The following CNTN4 variants were observed in gnomAD, a reference collection of about 807,000 sequenced individuals.
The protein encoded by CNTN4 is contactin-4.
A neutral mutation model predicts 122.5 loss-of-function variants in CNTN4; 77 were observed. The observed-to-expected ratio is 0.63, with a 90% CI of 0.52 to 0.76. The LOEUF (loss-of-function observed/expected upper bound fraction) is 0.76, where lower values mean the gene tolerates loss of function less well. Ranked by LOEUF, CNTN4 falls within the 30% of genes least tolerant of loss-of-function variation. The pLI, the probability that CNTN4 is intolerant of heterozygous loss-of-function variation, is 0.00. For synonymous variants in CNTN4, 512 were observed against 447.0 expected (o/e 1.15, Z -1.83); for missense variants, 1,256 against 1,259.1 (o/e 1.00, Z 0.04).
chr3:3,025,224 A>G (rs1005759571), intron 14 of CNTN4, among the ~76,000 whole-genome samples: 1 of 152,168 alleles, frequency 6.6e-6, no homozygotes, highest in East Asian at 1.9e-4. Flanking sequence ...AGTTTAAACT[A>G]TAATGTAAAG....
chr3:2,223,459 T>C (rs527915686), intron 2 of CNTN4, among the ~76,000 whole-genome samples: 1 of 152,354 alleles, frequency 6.6e-6, no homozygotes, highest in East Asian at 1.9e-4. Flanking sequence ...ACACACTGTC[T>C]GATTTTTAGA....
intron 6 of CNTN4, among the ~76,000 whole-genome samples, chr3:2,780,070 T>C (rs776001821): frequency 2.0e-5 from 3 of 152,190 alleles, no homozygotes; most frequent in African/African-American, 7.2e-5. Flanking sequence ...ATGGGCAACA[T>C]GTGATCAAAG....
At chr3:2,403,269 C>T (rs893712713) in intron 3 of CNTN4, among the ~76,000 whole-genome samples, 1 of 152,066 alleles carries the variant, frequency 6.6e-6, no homozygotes, top group East Asian at 1.9e-4. Flanking sequence ...AGAATTATAT[C>T]TGCAGTGACC....
intron 3 of CNTN4, among the ~76,000 whole-genome samples, chr3:2,459,602 C>G (rs2049128146): frequency 6.6e-6 from 1 of 151,988 alleles, no homozygotes; most frequent in South Asian, 2.1e-4. Flanking sequence ...TTGGTCTTGC[C>G]CTTTAGATAT....
At chr3:2,955,580 T>C (rs972007750) in intron 13 of CNTN4, among the ~76,000 whole-genome samples, 3 of 152,162 alleles carry the variant, frequency 2.0e-5, no homozygotes, top group African/African-American at 7.2e-5. Context: ...CTGACTCTGA[T>C]TGAGTCGTAT....
At chr3:3,042,946 G>A (rs1190182564) in intron 21 of CNTN4, 31 bp from the exon 22 acceptor site, 1 of 1,583,284 alleles carries the variant, frequency 6.3e-7, no homozygotes, top group Non-Finnish European at 8.7e-7. Context: ...ATTGGGTATG[G>A]TTTCCAAGGT....
At chr3:2,293,131 C>G (rs1175898541) in intron 2 of CNTN4, among the ~76,000 whole-genome samples, 2 of 144,086 alleles carry the variant, frequency 1.4e-5, no homozygotes, top group African/African-American at 5.2e-5. Flanking sequence ...AACAAGAGTT[C>G]TTGAGGACTG....
At chr3:2,655,789 G>A (rs2083563221) in intron 4 of CNTN4, among the ~76,000 whole-genome samples, 1 of 152,148 alleles carries the variant, frequency 6.6e-6, no homozygotes, top group South Asian at 2.1e-4. Flanking sequence ...GCCAGAAGAT[G>A]CTAATGAAAC....
At chr3:2,136,035 T>C (rs921480951) in intron 2 of CNTN4, among the ~76,000 whole-genome samples, 5 of 152,202 alleles carry the variant, frequency 3.3e-5, no homozygotes, top group Non-Finnish European at 7.4e-5. Context: ...CTCAGAGGCA[T>C]TTGGCCATAA....
At chr3:2,297,146 A>T (rs1033089086) in intron 2 of CNTN4, among the ~76,000 whole-genome samples, 1 of 152,190 alleles carries the variant, frequency 6.6e-6, no homozygotes, top group Non-Finnish European at 1.5e-5. Flanking sequence ...TGTCAACCGT[A>T]ATGTCTTTCA....
At chr3:2,315,727 T>G (rs1002089554) in intron 2 of CNTN4, among the ~76,000 whole-genome samples, 3 of 152,056 alleles carry the variant, frequency 2.0e-5, no homozygotes, top group Non-Finnish European at 4.4e-5. Flanking sequence ...CAAGTTCTGG[T>G]TTTACCAGTA....
chr3:3,011,221 TCAGA>T (rs1697200144), intron 14 of CNTN4, among the ~76,000 whole-genome samples: 1 of 152,298 alleles, frequency 6.6e-6, no homozygotes, highest in Admixed American at 6.5e-5. Flanking sequence ...TAAGCTTTTC[TCAGA>T]CCTTTCATGT....
chr3:2,944,138 A>G (rs1577355226), intron 13 of CNTN4, among the ~76,000 whole-genome samples: 1 of 151,994 alleles, frequency 6.6e-6, no homozygotes, highest in South Asian at 2.1e-4. Context: ...TTCAGAGAAA[A>G]AATGAATTTT....
chr3:2,180,014 A>T (rs1019913320), intron 2 of CNTN4, among the ~76,000 whole-genome samples: 1 of 151,770 alleles, frequency 6.6e-6, no homozygotes. Flanking sequence ...TCAGATGAGC[A>T]ACATTTCAAG....
At chr3:2,682,200 C>G (rs1466303778) in intron 4 of CNTN4, among the ~76,000 whole-genome samples, 2 of 152,200 alleles carry the variant, frequency 1.3e-5, no homozygotes, top group African/African-American at 4.8e-5. Context: ...AAATAACACT[C>G]CTTGACCATG....
intron 6 of CNTN4, among the ~76,000 whole-genome samples, chr3:2,815,358 T>C (rs561775724): frequency 1.3e-5 from 2 of 151,920 alleles, no homozygotes; most frequent in Non-Finnish European, 2.9e-5. Context: ...AGGACTAATA[T>C]CCAGACTCTA....
In CNTN4 at chr3:3,042,482, C is replaced by G. The variant is rs569664861; in HGVS notation, c.2511+60C>G. On this transcript the variant is annotated intron_variant, in intron 21 of 24. Coordinates refer to ENST00000418658, the MANE Select transcript of CNTN4 (RefSeq NM_175607.3). ...GAGTCTATGCCCCTTGATAAGTCCT[C>G]CAAGTCACATTCTTATAGGAAGAGA... The G allele has an allele frequency of 2.8e-6, 3 of 1,082,132 alleles. No homozygotes were observed. The African/African-American group carries it at 4.6e-5, about 17-fold the overall frequency. The allele number at this position is 1,082,132 out of a possible 1,614,324, so 67.0% of individuals were successfully genotyped here.
At chr3:2,284,626 A>G (rs1159214606) in intron 2 of CNTN4, among the ~76,000 whole-genome samples, 1 of 152,072 alleles carries the variant, frequency 6.6e-6, no homozygotes, top group Non-Finnish European at 1.5e-5. Context: ...GTAATTTTCT[A>G]TTGTGGAGAA....
rs1051832367 is a variant in CNTN4, at chr3:2,841,174, A to G, written c.454+21593A>G. On this transcript the variant is annotated intron_variant, in intron 7 of 24. Coordinates refer to ENST00000418658, the MANE Select transcript of CNTN4 (RefSeq NM_175607.3). This position sits in a 1 kb window ranked among gnomAD's most constrained non-coding sequence, Gnocchi z 4.8. The stretch of plus-strand genomic sequence containing the variant: ...ACTCTCATAGAATTTAAGTCAAAAT[A>G]TCTGTCTTTGTTTGCATTGCCCAAA... Among the ~76,000 whole-genome samples the G allele has an allele frequency of 1.3e-5, 2 of 151,976 alleles. No individual in the cohort carries two copies. Among genetic ancestry groups the G allele is most frequent in the Non-Finnish European group, 2.9e-5 (2 of 68,040 alleles).
Sources: allele counts gnomAD v4.1 joint callset (sites outside exome capture counted in the v4.1 genomes callset), GRCh38; gene constraint gnomAD v4.1.1; non-coding constraint Gnocchi (gnomAD v3.1); transcripts MANE v1.5; gene names NCBI Gene and HGNC (gene_info 2026-07-23, HGNC 2026-07-21).